The following SETBP1 variants were observed in gnomAD, a reference collection of about 807,000 sequenced individuals.
The protein encoded by SETBP1 is SET-binding protein.
Under a neutral mutation model 101.0 loss-of-function variants are expected in SETBP1, and 9 were observed. That is an observed-to-expected ratio of 0.09 (90% CI 0.05 to 0.16). The LOEUF is 0.16. Ranked by LOEUF, SETBP1 falls within the 10% of genes least tolerant of loss-of-function variation. The pLI is 1.00. For synonymous variants in SETBP1, 818 were observed against 788.5 expected, an observed-to-expected ratio of 1.04 and a Z score of -0.63; for missense variants, 1,858 against 2,033.8, an observed-to-expected ratio of 0.91 and a Z score of 1.66.
At chr18:44,984,462 A>G (rs1162607129) in intron 4 of SETBP1, among the ~76,000 whole-genome samples, 1 of 152,214 alleles carries the variant, frequency 6.6e-6, no homozygotes, top group African/African-American at 2.4e-5. Context: ...TTGATCTGAC[A>G]GGAGGCGGAG....
intron 3 of SETBP1, among the ~76,000 whole-genome samples, chr18:44,896,166 G>A (rs76844685): frequency 5.7e-4 from 87 of 152,308 alleles, no homozygotes; most frequent in African/African-American, 2.1e-3. Context: ...GGTATTGGGA[G>A]ATGATTAGGG....
At chr18:44,972,625 T>G (rs934950755) in intron 4 of SETBP1, among the ~76,000 whole-genome samples, 1 of 152,180 alleles carries the variant, frequency 6.6e-6, no homozygotes, top group Non-Finnish European at 1.5e-5. Flanking sequence ...GGTATTTTAT[T>G]CTCCTTGAAG....
intron 2 of SETBP1, among the ~76,000 whole-genome samples, chr18:44,839,462 T>C (rs1356267456): frequency 7.9e-6 from 1 of 126,148 alleles, no homozygotes; most frequent in Non-Finnish European, 1.7e-5. Context: ...CACTGGCTCT[T>C]TGAGCATCTC....
intron 4 of SETBP1, among the ~76,000 whole-genome samples, chr18:45,034,255 C>G (rs937896948): frequency 6.6e-6 from 1 of 152,160 alleles, no homozygotes; most frequent in Non-Finnish European, 1.5e-5. Flanking sequence ...GGTCTCTGAC[C>G]TTTTCGCATC....
chr18:44,929,410 C>T (rs1430648657), intron 3 of SETBP1, among the ~76,000 whole-genome samples: 1 of 152,158 alleles, frequency 6.6e-6, no homozygotes, highest in African/African-American at 2.4e-5. Flanking sequence ...ATTGTCTTGG[C>T]AATGTGGGCT....
chr18:44,974,528 G>T (rs1170994434), intron 4 of SETBP1, among the ~76,000 whole-genome samples: 2 of 152,118 alleles, frequency 1.3e-5, no homozygotes, highest in African/African-American at 2.4e-5. Context: ...AGGATTTGAG[G>T]TTCTAAACTA....
At chr18:44,973,893 G>A (rs58600449) in intron 4 of SETBP1, among the ~76,000 whole-genome samples, 7,291 of 152,218 alleles carry the variant, frequency 0.048, 615 homozygotes, top group African/African-American at 0.16. Flanking sequence ...GGCAGAGGGG[G>A]GAGTAGGGGT....
At chr18:44,779,752 G>C (rs537867456) in intron 2 of SETBP1, among the ~76,000 whole-genome samples, 18 of 152,194 alleles carry the variant, frequency 1.2e-4, no homozygotes, top group African/African-American at 3.6e-4. Flanking sequence ...GTAAGGGGAG[G>C]CTCCTTAATT....
chr18:44,876,564 G>C, intron 3 of SETBP1: 1 of 1,548,996 alleles, frequency 6.5e-7, no homozygotes, highest in Non-Finnish European at 8.7e-7. Flanking sequence ...TCATTTTCTA[G>C]ATTAAAGACT....
chr18:44,742,477 A>G (rs72907638), intron 2 of SETBP1, among the ~76,000 whole-genome samples: 1 of 152,336 alleles, frequency 6.6e-6, no homozygotes, highest in South Asian at 2.1e-4. Flanking sequence ...TGCGGAGCAC[A>G]AAAGTATAGC....
At chr18:44,840,529 A>G (rs781633591) in intron 2 of SETBP1, among the ~76,000 whole-genome samples, 7 of 152,340 alleles carry the variant, frequency 4.6e-5, no homozygotes, top group Middle Eastern at 6.8e-3. Flanking sequence ...ATTCATCCTT[A>G]TGGTAATGAC....
At chr18:44,956,333 G>C (rs920859475) in intron 4 of SETBP1, among the ~76,000 whole-genome samples, 1 of 152,046 alleles carries the variant, frequency 6.6e-6, no homozygotes, top group Non-Finnish European at 1.5e-5. Context: ...TCCCTGAAGA[G>C]CATTCACCTT....
At chr18:44,768,652 A>T (rs755082854) in intron 2 of SETBP1, among the ~76,000 whole-genome samples, 2 of 152,146 alleles carry the variant, frequency 1.3e-5, no homozygotes, top group African/African-American at 4.8e-5. Context: ...TGAGCTTCCC[A>T]TTAGTGGATT....
intron 3 of SETBP1, among the ~76,000 whole-genome samples, chr18:44,912,209 C>A (rs2070326095): frequency 6.6e-6 from 1 of 152,074 alleles, no homozygotes; most frequent in Non-Finnish European, 1.5e-5. Context: ...TTTGACTCGA[C>A]TAAACATGAA....
intron 2 of SETBP1, among the ~76,000 whole-genome samples, chr18:44,775,007 AT>A (rs977232765): frequency 2.0e-5 from 3 of 151,250 alleles, no homozygotes; most frequent in Non-Finnish European, 3.0e-5. Context: ...TAAATTTAGA[AT>A]TTTTTTTTAA....
chr18:44,894,404 T>A (rs1397268180), intron 3 of SETBP1, among the ~76,000 whole-genome samples: 14 of 152,112 alleles, frequency 9.2e-5, no homozygotes, highest in Non-Finnish European at 1.8e-4. Flanking sequence ...GGATCATTTT[T>A]TTTTTCACCC....
chr18:44,885,401 C>T (rs1055409135), intron 3 of SETBP1, among the ~76,000 whole-genome samples: 9 of 152,044 alleles, frequency 5.9e-5, no homozygotes, highest in Admixed American at 6.6e-5. Context: ...ACTTAATAGG[C>T]CATAGAATCC....
intron 2 of SETBP1, among the ~76,000 whole-genome samples, chr18:44,742,058 A>G (rs1209040951): frequency 2.0e-5 from 3 of 152,232 alleles, no homozygotes; most frequent in African/African-American, 4.8e-5. Context: ...CAAACAGACC[A>G]TAATCCCTGG....
chr18:44,747,675 A>G (rs1230713528), intron 2 of SETBP1, among the ~76,000 whole-genome samples: 1 of 152,244 alleles, frequency 6.6e-6, no homozygotes, highest in Non-Finnish European at 1.5e-5. Flanking sequence ...AGTCTGTGTA[A>G]CTCAGTTATT....
Sources: gnomAD v4.1 joint callset for allele counts (sites outside exome capture counted in the v4.1 genomes callset) on GRCh38, gnomAD v4.1.1 for gene constraint, MANE v1.5 for transcripts, NCBI Gene and HGNC (gene_info 2026-07-23, HGNC 2026-07-21) for gene names.